The following FUT8 variants were observed in gnomAD, a reference collection of about 807,000 sequenced individuals.
FUT8 encodes alpha-(1,6)-fucosyltransferase.
In FUT8, 29 loss-of-function variants were observed where a neutral mutation model predicts 71.3. That is an observed-to-expected ratio of 0.41 (90% CI 0.30 to 0.55). The LOEUF (loss-of-function observed/expected upper bound fraction) is 0.55, where lower values mean the gene tolerates loss of function less well. Ranked by LOEUF, FUT8 falls within the 20% of genes least tolerant of loss-of-function variation. The pLI, the probability that FUT8 is intolerant of heterozygous loss-of-function variation, is 0.34. For missense variants in FUT8, 544 were observed against 702.1 expected, an observed-to-expected ratio of 0.77 and a Z score of 2.55; for synonymous variants, 254 against 239.3, an observed-to-expected ratio of 1.06 and a Z score of -0.57.
chr14:65,698,720 A>G (rs2140470832), intron 7 of FUT8, among the ~76,000 whole-genome samples: 1 of 152,310 alleles, frequency 6.6e-6, no homozygotes, highest in South Asian at 2.1e-4. Context: ...TAGGTAAGCG[A>G]TCATTTCCTA....
intron 6 of FUT8, among the ~76,000 whole-genome samples, chr14:65,657,612 G>A (rs1891747463): frequency 6.6e-6 from 1 of 152,084 alleles, no homozygotes; most frequent in South Asian, 2.1e-4. Context: ...ATTTGTGGGA[G>A]CTAAAAATTA....
intron 5 of FUT8, among the ~76,000 whole-genome samples, chr14:65,628,564 G>A (rs1890016223): frequency 6.6e-6 from 1 of 152,186 alleles, no homozygotes; most frequent in African/African-American, 2.4e-5. Flanking sequence ...CAGATTTGTA[G>A]GGGATGTTAG....
intron 1 of FUT8, among the ~76,000 whole-genome samples, chr14:65,450,390 T>G (rs1239599743): frequency 6.6e-6 from 1 of 152,202 alleles, no homozygotes; most frequent in Non-Finnish European, 1.5e-5. Flanking sequence ...TCTATAGGTA[T>G]TCTGTTTCTC....
intron 1 of FUT8, among the ~76,000 whole-genome samples, chr14:65,420,673 G>T (rs1250978025): frequency 6.6e-6 from 1 of 151,908 alleles, no homozygotes; most frequent in Non-Finnish European, 1.5e-5. Context: ...ATATTTTAAT[G>T]ACACTTTTCA....
chr14:65,530,475 TA>T (rs1459274081), intron 2 of FUT8, among the ~76,000 whole-genome samples: 1 of 152,182 alleles, frequency 6.6e-6, no homozygotes, highest in Non-Finnish European at 1.5e-5. Flanking sequence ...CTAATACTTT[TA>T]AAATTGAGAA....
chr14:65,532,046 T>C (rs955678105), intron 2 of FUT8, among the ~76,000 whole-genome samples: 3 of 152,202 alleles, frequency 2.0e-5, no homozygotes, highest in Non-Finnish European at 4.4e-5. Context: ...GTTGATTTCA[T>C]GTCTTTGCTA....
intron 1 of FUT8, among the ~76,000 whole-genome samples, chr14:65,420,595 A>G (rs1053705515): frequency 3.3e-5 from 5 of 152,028 alleles, no homozygotes; most frequent in Admixed American, 6.6e-5. Flanking sequence ...GTTGGAAAAT[A>G]AGATACCCAA....
In FUT8 at chr14:65,733,292, C is replaced by T; in HGVS notation, c.1321C>T (p.Arg441Ter). 1.9e-6 allele frequency: 3 copies of T among 1,608,362 alleles called. No individual in the cohort carries two copies. Among genetic ancestry groups the T allele is most frequent in the Non-Finnish European group, 2.6e-6 (3 of 1,175,838 alleles). Reference sequence around the variant, plus strand: ...TTCCTGGTCAGCTGGACTGCACAATCGATACACAGAAAATTCACTTCGTGG... The same window carrying T: ...TTCCTGGTCAGCTGGACTGCACAATTGATACACAGAAAATTCACTTCGTGG... The part of the protein sequence containing the change: ...SISWSAGLHN[R>*]YTENSLRGVI... Residue 441 changes from arginine to a stop codon, truncating the protein, a stop_gained, in exon 10 of 11, where the codon CGA (arginine) becomes TGA (stop). Transcript: ENST00000673929. LOFTEE classifies it high-confidence loss of function.
chr14:65,644,029 T>C (rs1328535001), intron 6 of FUT8, among the ~76,000 whole-genome samples: 1 of 152,054 alleles, frequency 6.6e-6, no homozygotes, highest in African/African-American at 2.4e-5. Context: ...CACATAGAAA[T>C]AGAGTAATAA....
At chr14:65,713,857 T>C (rs1301486116) in intron 7 of FUT8, among the ~76,000 whole-genome samples, 2 of 152,206 alleles carry the variant, frequency 1.3e-5, no homozygotes, top group Non-Finnish European at 2.9e-5. Flanking sequence ...ATTGTTTTCT[T>C]TGCTGTGCAG....
At chr14:65,547,524 A>G (rs904409354) in intron 2 of FUT8, among the ~76,000 whole-genome samples, 5 of 151,722 alleles carry the variant, frequency 3.3e-5, no homozygotes, top group African/African-American at 1.2e-4. Context: ...ATGAGAAAAA[A>G]TTTTATTTGT....
intron 5 of FUT8, among the ~76,000 whole-genome samples, chr14:65,620,080 A>G (rs1889521615): frequency 6.6e-6 from 1 of 152,114 alleles, no homozygotes; most frequent in African/African-American, 2.4e-5. Flanking sequence ...TATCATCTTC[A>G]TATTGCCAAA....
intron 6 of FUT8, among the ~76,000 whole-genome samples, chr14:65,665,078 A>T (rs1237653557): frequency 6.6e-6 from 1 of 152,172 alleles, no homozygotes; most frequent in African/African-American, 2.4e-5. Flanking sequence ...CATGTTCCAC[A>T]TTCAGTTGTG....
chr14:65,426,935 T>C (rs2065397951), intron 1 of FUT8, among the ~76,000 whole-genome samples: 2 of 152,138 alleles, frequency 1.3e-5, no homozygotes, highest in South Asian at 4.1e-4. Context: ...CTTGGCTCAC[T>C]GTAAGCTCTG....
intron 6 of FUT8, among the ~76,000 whole-genome samples, chr14:65,659,889 T>A (rs1891876812): frequency 6.6e-6 from 1 of 152,174 alleles, no homozygotes; most frequent in Non-Finnish European, 1.5e-5. Context: ...TAAAATTCAA[T>A]CTTAATTTTG....
chr14:65,524,171 C>A (rs1883283799), intron 2 of FUT8, among the ~76,000 whole-genome samples: 1 of 152,142 alleles, frequency 6.6e-6, no homozygotes, highest in Non-Finnish European at 1.5e-5. Flanking sequence ...GGCAGTATGG[C>A]CATTTTCACG....
chr14:65,600,611 T>TA (rs1018231277), intron 3 of FUT8, among the ~76,000 whole-genome samples: 4 of 152,150 alleles, frequency 2.6e-5, no homozygotes, highest in South Asian at 2.1e-4. Context: ...AAAACATTTG[T>TA]AAAAAATATG....
chr14:65,505,967 T>C (rs929974373), intron 2 of FUT8, among the ~76,000 whole-genome samples: 3 of 152,210 alleles, frequency 2.0e-5, no homozygotes, highest in African/African-American at 7.2e-5. Context: ...GATGTTACCC[T>C]AGCTACTAAT....
Position 65,559,849 on chromosome 14 carries a change from G to A in FUT8, c.-227-1488G>A, listed in dbSNP as rs145642977. On this transcript the variant is annotated intron_variant, in intron 2 of 10. Transcript: ENST00000673929. ...AGGGACAGGATAAACAATGGAGTCAGTAAAAAGAGTGTTCTTGATAGATTT... is the reference window on the plus strand; with the variant it reads ...AGGGACAGGATAAACAATGGAGTCAATAAAAAGAGTGTTCTTGATAGATTT... Among the ~76,000 whole-genome samples, 450 of 152,218 alleles carry A rather than the reference G, an allele frequency of 3.0e-3. 5 individuals are homozygous for A. Among genetic ancestry groups the A allele is most frequent in the African/African-American group, 9.8e-3 (409 of 41,536 alleles).
Sources: gnomAD v4.1 joint callset for allele counts (sites outside exome capture counted in the v4.1 genomes callset) on GRCh38, gnomAD v4.1.1 for gene constraint, MANE v1.5 for transcripts, NCBI Gene and HGNC (gene_info 2026-07-23, HGNC 2026-07-21) for gene names.